SNTB1: variants seen among roughly 807,000 people sequenced by gnomAD.
The protein encoded by SNTB1 is beta-1-syntrophin.
A neutral mutation model predicts 48.9 loss-of-function variants in SNTB1; 36 were observed. The ratio of observed to expected loss-of-function variants is 0.74; its 90% CI spans 0.56 to 0.97. SNTB1 has a LOEUF of 0.97. Among genes scored for constraint, SNTB1 ranks in the 50% least tolerant of loss-of-function variants. SNTB1 has a pLI of 0.00. For missense variants in SNTB1, 786 were observed against 703.4 expected, an observed-to-expected ratio of 1.12 and a Z score of -1.33; for synonymous variants, 299 against 294.6, an observed-to-expected ratio of 1.01 and a Z score of -0.15.
chr8:120,670,358 A>G (rs1278842382), intron 2 of SNTB1, among the ~76,000 whole-genome samples: 1 of 152,250 alleles, frequency 6.6e-6, no homozygotes, highest in Non-Finnish European at 1.5e-5. Context: ...CTTCGTCTTC[A>G]TACGGCAAGG....
chr8:120,727,327 T>A (rs2129966072), intron 1 of SNTB1, among the ~76,000 whole-genome samples: 1 of 152,286 alleles, frequency 6.6e-6, no homozygotes, highest in Middle Eastern at 3.4e-3. Flanking sequence ...TAAGACCATT[T>A]GATGCAGACA....
chr8:120,629,720 G>A (rs1344500467), intron 3 of SNTB1, among the ~76,000 whole-genome samples: 1 of 152,202 alleles, frequency 6.6e-6, no homozygotes, highest in Non-Finnish European at 1.5e-5. Context: ...CTTCTGAGAA[G>A]TGTGAAAATG....
chr8:120,537,046 T>A lies in SNTB1; in HGVS notation c.*1831A>T, dbSNP rs1401907057. ...ATAATTTACAAATGCATCAAAGCTT[T>A]TCTATGGTATTCAAACTGGGACTTG... On this transcript the variant is annotated 3_prime_UTR_variant, in exon 7 of 7. Coordinates refer to ENST00000517992, the MANE Select transcript of SNTB1 (RefSeq NM_021021.4). 4 of 151,962 alleles carry A rather than the reference T, an allele frequency of 2.6e-5. No homozygotes were observed. Among genetic ancestry groups the A allele is most frequent in the African/African-American group, 9.7e-5 (4 of 41,416 alleles). 9.4% of individuals were successfully genotyped at this position (151,962 alleles called of 1,614,324 possible).
intron 1 of SNTB1, among the ~76,000 whole-genome samples, chr8:120,744,199 T>C (rs917344864): frequency 2.0e-5 from 3 of 151,684 alleles, no homozygotes; most frequent in Non-Finnish European, 4.4e-5. Flanking sequence ...CACTTCGATT[T>C]ATTTCCAGTT....
chr8:120,570,663 G>A (rs1005364932), intron 4 of SNTB1: 2 of 152,452 alleles, frequency 1.3e-5, no homozygotes, highest in African/African-American at 4.8e-5. Context: ...CACGTTGTAA[G>A]TGGTAACTTG....
intron 1 of SNTB1, among the ~76,000 whole-genome samples, chr8:120,805,899 C>G (rs1237492600): frequency 6.6e-6 from 1 of 152,210 alleles, no homozygotes; most frequent in African/African-American, 2.4e-5. Flanking sequence ...AGACTCAGCA[C>G]TTATTCACGG....
intron 2 of SNTB1, among the ~76,000 whole-genome samples, chr8:120,642,916 C>G (rs950118706): frequency 1.3e-5 from 2 of 151,962 alleles, no homozygotes; most frequent in African/African-American, 4.8e-5. Flanking sequence ...TACTGAAAAA[C>G]AAAAAAACAA....
intron 2 of SNTB1, among the ~76,000 whole-genome samples, chr8:120,644,912 A>C (rs562980714): frequency 1.3e-5 from 2 of 152,264 alleles, no homozygotes; most frequent in African/African-American, 4.8e-5. Flanking sequence ...TCTGATGGCC[A>C]GTGATGATGA....
Position 120,552,703 on chromosome 8 carries a change from C to T in SNTB1, c.1137-3745G>A, listed in dbSNP as rs183871307. Reference sequence around the variant, plus strand: ...TGGCACCAGGGACTGGTTTCCCCACCTTTTGGGATGAGATGGGGAATTGGG... The same window carrying T: ...TGGCACCAGGGACTGGTTTCCCCACTTTTTGGGATGAGATGGGGAATTGGG... On this transcript the variant is annotated intron_variant, in intron 4 of 6. Coordinates refer to ENST00000517992, the MANE Select transcript of SNTB1 (RefSeq NM_021021.4). Among the ~76,000 whole-genome samples, 729 of 152,220 alleles carry T rather than the reference C, an allele frequency of 4.8e-3. 3 individuals carry two copies. Among genetic ancestry groups the T allele is most frequent in the Non-Finnish European group, 8.2e-3 (560 of 68,024 alleles).
In SNTB1 at chr8:120,604,350, G is replaced by A. The variant is rs529874188; in HGVS notation, c.996+28094C>T. On this transcript the variant is annotated intron_variant, in intron 3 of 6. Transcript: ENST00000517992. Reference sequence around the variant, plus strand: ...ATCAAATGTCATTTCGGGTTCCACAGCTAAGTGGTCCACTCTTGCAGCCTT... The same window carrying A: ...ATCAAATGTCATTTCGGGTTCCACAACTAAGTGGTCCACTCTTGCAGCCTT... Among the ~76,000 whole-genome samples the A allele has an allele frequency of 8.5e-5, 13 of 152,126 alleles. No homozygotes were observed. In the South Asian group the frequency reaches 2.7e-3, roughly 32 times the overall value.
chr8:120,779,628 A>G (rs1819797819), intron 1 of SNTB1, among the ~76,000 whole-genome samples: 1 of 152,240 alleles, frequency 6.6e-6, no homozygotes, highest in South Asian at 2.1e-4. Context: ...TGACTAGGAC[A>G]AAGGAAGAGG....
chr8:120,766,580 A>G (rs1254226953), intron 1 of SNTB1, among the ~76,000 whole-genome samples: 1 of 152,190 alleles, frequency 6.6e-6, no homozygotes, highest in Non-Finnish European at 1.5e-5. Context: ...CATTTAACAT[A>G]AATCTGAGCA....
At chr8:120,759,821 C>T (rs1819384905) in intron 1 of SNTB1, among the ~76,000 whole-genome samples, 1 of 152,232 alleles carries the variant, frequency 6.6e-6, no homozygotes. Context: ...TGAGAGAAGG[C>T]CTATGTCTTC....
At chr8:120,574,698 T>C (rs1009263869) in intron 4 of SNTB1, among the ~76,000 whole-genome samples, 5 of 152,182 alleles carry the variant, frequency 3.3e-5, no homozygotes, top group African/African-American at 1.2e-4. Context: ...CAGTGGAGCA[T>C]TCCCACATAA....
At position 120,702,960 on chromosome 8, in the gene SNTB1, A is replaced by G. The variant is rs1818330091; in HGVS notation, c.572-9052T>C. ...GGTTATGAGGATTAAATGACTTAAT[A>G]CACACAAAGGGCTTGGAAGAGTGTT... On this transcript the variant is annotated intron_variant, in intron 1 of 6. Transcript: ENST00000517992. 1.3e-5 allele frequency among the ~76,000 whole-genome samples: 2 copies of G among 152,228 alleles called. 1 individual carries two copies. The highest frequency in any genetic ancestry group is 4.1e-4 in the South Asian group (2 of 4,828).
intron 2 of SNTB1, among the ~76,000 whole-genome samples, chr8:120,644,417 G>T (rs1189861203): frequency 6.7e-6 from 1 of 148,952 alleles, no homozygotes; most frequent in Non-Finnish European, 1.5e-5. Flanking sequence ...GCGATGTTTG[G>T]TTTTTTGTTC....
rs550732473 is a variant in SNTB1, at chr8:120,734,516, G to A, written c.572-40608C>T. 1.5e-4 allele frequency among the ~76,000 whole-genome samples: 23 copies of A among 151,934 alleles called. No homozygotes were observed. The South Asian group carries it at 3.7e-3, about 25-fold the overall frequency. On this transcript the variant is annotated intron_variant, in intron 1 of 6. Transcript: ENST00000517992. ...AACATTTATTGAATGCTTGCTATGC[G>A]CCAGGCTTTATGCCACCTTACTTCA...
chr8:120,653,777 C>A (rs888503994), intron 2 of SNTB1, among the ~76,000 whole-genome samples: 1 of 151,902 alleles, frequency 6.6e-6, no homozygotes, highest in East Asian at 1.9e-4. Context: ...CTGTGGCTCA[C>A]GCCTGTAATC....
chr8:120,789,906 T>C (rs545052058), intron 1 of SNTB1, among the ~76,000 whole-genome samples: 1 of 151,960 alleles, frequency 6.6e-6, no homozygotes, highest in Non-Finnish European at 1.5e-5. Flanking sequence ...ATCACCCTGA[T>C]ACCAAAACCA....
Sources: allele counts gnomAD v4.1 joint callset (sites outside exome capture counted in the v4.1 genomes callset), GRCh38; gene constraint gnomAD v4.1.1; transcripts MANE v1.5; gene names NCBI Gene and HGNC (gene_info 2026-07-23, HGNC 2026-07-21).